DIP2C: variants seen among roughly 807,000 people sequenced by gnomAD.
DIP2C encodes the protein DIP2 acetate--CoA ligase C (putative).
DIP2C carries 33 observed loss-of-function variants against 192.4 expected under a neutral mutation model. That is an observed-to-expected ratio of 0.17 (90% CI 0.13 to 0.23). The LOEUF is 0.23. DIP2C is among the 10% of genes least tolerant of loss of function. The pLI is 1.00. For missense variants in DIP2C, 1,537 were observed against 2,110.1 expected, an observed-to-expected ratio of 0.73 and a Z score of 5.32; for synonymous variants, 979 against 864.1, an observed-to-expected ratio of 1.13 and a Z score of -2.33.
chr10:603,313 A>G, intron 1 of DIP2C, among the ~76,000 whole-genome samples: 1 of 129,246 alleles, frequency 7.7e-6, no homozygotes, highest in Non-Finnish European at 1.7e-5. Flanking sequence ...AAAAAAAAAA[A>G]AAAAAAAAAA....
chr10:670,289 CAT>C (rs1451441444), intron 1 of DIP2C, among the ~76,000 whole-genome samples: 2 of 152,260 alleles, frequency 1.3e-5, no homozygotes, highest in East Asian at 3.9e-4. Context: ...CACACGTACA[CAT>C]GCACACACAT....
chr10:605,424 T>A (rs1001885883), intron 1 of DIP2C, among the ~76,000 whole-genome samples: 1 of 152,218 alleles, frequency 6.6e-6, no homozygotes, highest in Non-Finnish European at 1.5e-5. Context: ...GCTAATAAAA[T>A]TCCTTACAGA....
intron 1 of DIP2C, among the ~76,000 whole-genome samples, chr10:543,080 C>A (rs1339612012): frequency 1.3e-5 from 2 of 152,054 alleles, no homozygotes; most frequent in Non-Finnish European, 2.9e-5. Context: ...CCGATACCAA[C>A]ACATGCGGCT....
intron 1 of DIP2C, among the ~76,000 whole-genome samples, chr10:632,269 C>T (rs1210192185): frequency 6.6e-6 from 1 of 152,260 alleles, no homozygotes. Context: ...TGAAATGATC[C>T]TCCTTCTAAC....
At chr10:553,715 T>C (rs1317762919) in intron 1 of DIP2C, among the ~76,000 whole-genome samples, 4 of 151,870 alleles carry the variant, frequency 2.6e-5, no homozygotes, top group African/African-American at 4.9e-5. Flanking sequence ...ATATACATCA[T>C]AGGAGAAAAG....
At chr10:624,960 C>T (rs899918634) in intron 1 of DIP2C, among the ~76,000 whole-genome samples, 4 of 152,220 alleles carry the variant, frequency 2.6e-5, no homozygotes, top group African/African-American at 4.8e-5. Context: ...CCCCGCTGCA[C>T]CCACAGCTGC....
chr10:547,939 C>T (rs1848373508), intron 1 of DIP2C, among the ~76,000 whole-genome samples: 1 of 152,164 alleles, frequency 6.6e-6, no homozygotes, highest in African/African-American at 2.4e-5. Flanking sequence ...CTCTCATTTC[C>T]ACCTGCAGGG....
chr10:499,957 A>C (rs1416520923), intron 1 of DIP2C, among the ~76,000 whole-genome samples: 2 of 152,220 alleles, frequency 1.3e-5, no homozygotes, highest in Non-Finnish European at 2.9e-5. Flanking sequence ...TGACCCTGCC[A>C]CAATGGGACT....
chr10:424,931 A>G (rs954228754), intron 4 of DIP2C, among the ~76,000 whole-genome samples: 12 of 151,956 alleles, frequency 7.9e-5, no homozygotes, highest in Admixed American at 4.6e-4. Flanking sequence ...AGCATAACCA[A>G]CGGTGACTAA....
intron 17 of DIP2C, 137 bp from the exon 18 acceptor site, chr10:369,770 C>T (rs761828384): frequency 2.1e-6 from 3 of 1,451,248 alleles, no homozygotes; most frequent in Non-Finnish European, 2.8e-6. Flanking sequence ...GCTGGCTGCC[C>T]ATGTGGCTGC....
intron 2 of DIP2C, among the ~76,000 whole-genome samples, chr10:478,828 G>C (rs1843373360): frequency 6.6e-6 from 1 of 152,142 alleles, no homozygotes. Context: ...CGCGTGTCCG[G>C]GCGTGCTGGG....
At chr10:629,192 C>T (rs1040189614) in intron 1 of DIP2C, among the ~76,000 whole-genome samples, 25 of 152,204 alleles carry the variant, frequency 1.6e-4, no homozygotes, top group African/African-American at 5.8e-4. Flanking sequence ...ACGGTTGGCC[C>T]TGCACAGGGC....
chr10:428,116 A>G (rs968377704), intron 4 of DIP2C, among the ~76,000 whole-genome samples: 7 of 152,224 alleles, frequency 4.6e-5, no homozygotes, highest in Non-Finnish European at 8.8e-5. Flanking sequence ...ACGGACTTCA[A>G]AACAGGTGAA....
Position 363,077 on chromosome 10 carries a change from G to A in DIP2C, c.2592+120C>T, listed in dbSNP as rs776587036. 2 of 792,834 alleles carry A rather than the reference G, an allele frequency of 2.5e-6. No homozygotes were observed. Among genetic ancestry groups the A allele is most frequent in the African/African-American group, 1.7e-5 (1 of 57,872 alleles). 49.1% of individuals were successfully genotyped at this position (792,834 alleles called of 1,614,324 possible). A position where few individuals can be genotyped will look rare whatever the true frequency, so the allele number is the denominator to read the frequency against. ...TGATGTAGTTCCTGATCAAATGAAG[G>A]GAAGGGAAAAAGGGCCACCCCATGG... is the stretch of plus-strand genomic sequence containing the variant. On this transcript the variant is annotated intron_variant, in intron 21 of 36. Coordinates refer to ENST00000280886, the MANE Select transcript of DIP2C (RefSeq NM_014974.3). The surrounding 1 kb of genome is among the most constrained non-coding windows in gnomAD (Gnocchi z 5.4).
intron 1 of DIP2C, among the ~76,000 whole-genome samples, chr10:544,382 TG>T (rs1848169978): frequency 6.6e-6 from 1 of 152,280 alleles, no homozygotes; most frequent in Non-Finnish European, 1.5e-5. Flanking sequence ...TTACGAATAA[TG>T]CTGCTATGAA....
chr10:460,653 C>A (rs1454403269), intron 3 of DIP2C, among the ~76,000 whole-genome samples: 1 of 152,134 alleles, frequency 6.6e-6, no homozygotes, highest in African/African-American at 2.4e-5. Flanking sequence ...TCCAGGAGAA[C>A]TTCCCCAACC....
chr10:520,207 A>G (rs1846606453), intron 1 of DIP2C, among the ~76,000 whole-genome samples: 1 of 152,184 alleles, frequency 6.6e-6, no homozygotes, highest in Non-Finnish European at 1.5e-5. Flanking sequence ...TTACAGGCAA[A>G]GTTTCCACAC....
chr10:555,473 C>T (rs1378288586), intron 1 of DIP2C, among the ~76,000 whole-genome samples: 1 of 152,216 alleles, frequency 6.6e-6, no homozygotes, highest in African/African-American at 2.4e-5. Context: ...ACCAGGCACA[C>T]CCCCAATCTC....
At chr10:294,465 G>A (rs1296172595) in intron 32 of DIP2C, among the ~76,000 whole-genome samples, 1 of 152,044 alleles carries the variant, frequency 6.6e-6, no homozygotes, top group African/African-American at 2.4e-5. Flanking sequence ...AAATGAGCAA[G>A]GTGTGGTGGT....
Sources: gnomAD v4.1 joint callset for allele counts (sites outside exome capture counted in the v4.1 genomes callset) on GRCh38, gnomAD v4.1.1 for gene constraint, Gnocchi (gnomAD v3.1) non-coding constraint, MANE v1.5 for transcripts, NCBI Gene and HGNC (gene_info 2026-07-23, HGNC 2026-07-21) for gene names.